Variants in CSMD1 observed in about 807,000 individuals in gnomAD.
CSMD1 encodes the protein CUB and sushi domain-containing protein 1.
In CSMD1, 213 loss-of-function variants were observed where a neutral mutation model predicts 417.5. That is an observed-to-expected ratio of 0.51 (90% confidence interval 0.46 to 0.57). CSMD1 has a LOEUF of 0.57. CSMD1 is among the 20% of genes least tolerant of loss of function. CSMD1 has a pLI of 0.00. For missense variants in CSMD1, 6,923 were observed against 4,529.7 expected (o/e 1.53, Z -15.17); for synonymous variants, 2,862 against 1,736.8 (o/e 1.65, Z -16.11).
chr8:4,435,613 G>C (rs1798106417), intron 2 of CSMD1, among the ~76,000 whole-genome samples: 1 of 152,198 alleles, frequency 6.6e-6, no homozygotes, highest in East Asian at 1.9e-4. Context: ...CGGCACATGA[G>C]TGAATGGTGG....
At position 3,068,397 on chromosome 8, in the gene CSMD1, C is replaced by T. The variant is rs1257255150; in HGVS notation, c.7475-15750G>A. Reference sequence around the variant, plus strand: ...GACTCAGGACTTCTAACAAAAAATCCCCACACTTCACATCATGGAAACTAA... The same window carrying T: ...GACTCAGGACTTCTAACAAAAAATCTCCACACTTCACATCATGGAAACTAA... On this transcript the variant is annotated intron_variant, in intron 49 of 69. Transcript: ENST00000635120. 2.0e-5 allele frequency among the ~76,000 whole-genome samples: 3 copies of T among 152,034 alleles called. No individual in the cohort carries two copies. In the South Asian group the frequency reaches 6.2e-4, roughly 32 times the overall value.
At chr8:4,091,682 C>G (rs900212830) in intron 3 of CSMD1, among the ~76,000 whole-genome samples, 1 of 152,168 alleles carries the variant, frequency 6.6e-6, no homozygotes, top group African/African-American at 2.4e-5. Flanking sequence ...TCCCTAAAAT[C>G]TGTGAAGACT....
intron 1 of CSMD1, among the ~76,000 whole-genome samples, chr8:4,750,605 C>A (rs534060082): frequency 1.4e-4 from 21 of 151,958 alleles, no homozygotes; most frequent in Non-Finnish European, 1.5e-5. Flanking sequence ...CGTGATCCAG[C>A]AATGAGACTA....
chr8:4,915,683 G>C (rs988299057), intron 1 of CSMD1, among the ~76,000 whole-genome samples: 2 of 152,204 alleles, frequency 1.3e-5, no homozygotes, highest in Admixed American at 6.5e-5. Context: ...CCCGGCGGCA[G>C]TGGATTTCGG....
chr8:3,321,292 C>A (rs907423545), intron 23 of CSMD1, among the ~76,000 whole-genome samples: 4 of 152,146 alleles, frequency 2.6e-5, no homozygotes, highest in African/African-American at 9.7e-5. Flanking sequence ...TTCTAAGGAT[C>A]CTGCCATCTG....
intron 46 of CSMD1, among the ~76,000 whole-genome samples, chr8:3,102,913 A>C (rs1815862809): frequency 6.6e-6 from 1 of 152,166 alleles, no homozygotes; most frequent in South Asian, 2.1e-4. Flanking sequence ...GAATTCAACG[A>C]GTTTTATTAG....
At chr8:3,429,379 A>T (rs1351586922) in intron 12 of CSMD1, among the ~76,000 whole-genome samples, 1 of 152,216 alleles carries the variant, frequency 6.6e-6, no homozygotes, top group East Asian at 1.9e-4. Context: ...AAAGTTAAAC[A>T]TGTAGTTAAT....
chr8:4,084,388 C>A (rs557000438), intron 3 of CSMD1, among the ~76,000 whole-genome samples: 6 of 151,500 alleles, frequency 4.0e-5, no homozygotes, highest in African/African-American at 1.5e-4. Context: ...AAACAATATG[C>A]GATTTAAATT....
chr8:4,287,661 A>ATTATTATTG, intron 3 of CSMD1, among the ~76,000 whole-genome samples: 1 of 148,958 alleles, frequency 6.7e-6, no homozygotes, highest in South Asian at 2.1e-4. Flanking sequence ...AGGTGGTATT[A>ATTATTATTG]TTATTATTAT....
chr8:3,284,573 A>T, intron 25 of CSMD1: 1 of 537,048 alleles, frequency 1.9e-6, no homozygotes, highest in Non-Finnish European at 3.4e-6. Flanking sequence ...ATGGACGCAG[A>T]GAGATAGGTG....
chr8:3,666,510 A>G (rs896932822), intron 7 of CSMD1, among the ~76,000 whole-genome samples: 27 of 152,186 alleles, frequency 1.8e-4, no homozygotes, highest in Admixed American at 1.5e-3. Flanking sequence ...CACATCATCT[A>G]TTCTTTCAAC....
intron 6 of CSMD1, among the ~76,000 whole-genome samples, chr8:3,720,070 A>G (rs1802064927): frequency 6.6e-6 from 1 of 152,232 alleles, no homozygotes; most frequent in African/African-American, 2.4e-5. Flanking sequence ...AATACTTCTC[A>G]GAAAATGAAG....
At chr8:4,324,478 C>A (rs1799440669) in intron 3 of CSMD1, among the ~76,000 whole-genome samples, 1 of 152,198 alleles carries the variant, frequency 6.6e-6, no homozygotes, top group African/African-American at 2.4e-5. Context: ...TTTCTGAAAT[C>A]TTCTTGGAAG....
chr8:3,311,499 C>T (rs917592953), intron 23 of CSMD1, among the ~76,000 whole-genome samples: 3 of 147,278 alleles, frequency 2.0e-5, no homozygotes, highest in Non-Finnish European at 2.9e-5. Context: ...ATTTGCTTGC[C>T]TCGGTCTCCG....
intron 11 of CSMD1, among the ~76,000 whole-genome samples, chr8:3,484,957 A>G (rs1425402481): frequency 6.6e-6 from 1 of 151,596 alleles, no homozygotes; most frequent in African/African-American, 2.4e-5. Flanking sequence ...ACCACTTAAC[A>G]TCATGGGCTG....
chr8:3,492,387 C>G (rs1010908673), intron 11 of CSMD1, among the ~76,000 whole-genome samples: 5 of 152,110 alleles, frequency 3.3e-5, no homozygotes, highest in African/African-American at 7.2e-5. Context: ...CTCTCTTTCC[C>G]ACAAAGAGGC....
intron 5 of CSMD1, among the ~76,000 whole-genome samples, chr8:3,953,944 G>T (rs888180821): frequency 6.6e-6 from 1 of 152,202 alleles, no homozygotes; most frequent in Non-Finnish European, 1.5e-5. Flanking sequence ...GTGGCTCTGG[G>T]TCTCGCCTTA....
At chr8:4,875,829 A>C (rs1803008185) in intron 1 of CSMD1, among the ~76,000 whole-genome samples, 1 of 152,070 alleles carries the variant, frequency 6.6e-6, no homozygotes, top group Non-Finnish European at 1.5e-5. Context: ...AGACAGACAC[A>C]CACACACACA....
intron 1 of CSMD1, among the ~76,000 whole-genome samples, chr8:4,924,084 G>A (rs62488173): frequency 1.3e-5 from 2 of 152,118 alleles, no homozygotes; most frequent in Non-Finnish European, 2.9e-5. Flanking sequence ...AACAAGACAA[G>A]TTTCTGCCGT....
Sources: gnomAD v4.1 joint callset for allele counts (sites outside exome capture counted in the v4.1 genomes callset) on GRCh38, gnomAD v4.1.1 for gene constraint, MANE v1.5 for transcripts, NCBI Gene and HGNC (gene_info 2026-07-23, HGNC 2026-07-21) for gene names.